The following CLSTN2 variants were observed in gnomAD, a reference collection of about 807,000 sequenced individuals.
CLSTN2 encodes the protein calsyntenin 2.
Under a neutral mutation model 101.2 loss-of-function variants are expected in CLSTN2, and 48 were observed. The ratio of observed to expected loss-of-function variants is 0.47; its 90% CI spans 0.38 to 0.60. The LOEUF is 0.60. Ranked by LOEUF, CLSTN2 falls within the 20% of genes least tolerant of loss-of-function variation. The pLI, the probability that CLSTN2 is intolerant of heterozygous loss-of-function variation, is 0.00. For missense variants in CLSTN2, 1,160 were observed against 1,238.2 expected (o/e 0.94, Z 0.95); for synonymous variants, 481 against 463.6 (o/e 1.04, Z -0.48).
chr3:140,501,187 T>C (rs187486533), intron 8 of CLSTN2, among the ~76,000 whole-genome samples: 1 of 152,310 alleles, frequency 6.6e-6, no homozygotes, highest in Non-Finnish European at 1.5e-5. Context: ...CTCTCCTGCA[T>C]ACTTTCTAGC....
At chr3:140,555,794 G>A (rs891414919) in intron 10 of CLSTN2, among the ~76,000 whole-genome samples, 4 of 152,178 alleles carry the variant, frequency 2.6e-5, no homozygotes, top group Admixed American at 1.3e-4. Context: ...ACATGGAGAG[G>A]GCAAGGATCT....
intron 1 of CLSTN2, among the ~76,000 whole-genome samples, chr3:140,019,929 G>A (rs776735302): frequency 9.8e-5 from 15 of 152,292 alleles, no homozygotes; most frequent in Non-Finnish European, 1.9e-4. Flanking sequence ...GCAATAGGTC[G>A]GGGAAGGTGA....
At chr3:140,234,848 C>T (rs1287764680) in intron 2 of CLSTN2, among the ~76,000 whole-genome samples, 3 of 152,090 alleles carry the variant, frequency 2.0e-5, no homozygotes, top group Non-Finnish European at 4.4e-5. Flanking sequence ...TGTAGCTCTC[C>T]CAAGCTTATA....
At chr3:140,510,346 G>T (rs1330213208) in intron 8 of CLSTN2, among the ~76,000 whole-genome samples, 2 of 152,122 alleles carry the variant, frequency 1.3e-5, no homozygotes, top group African/African-American at 4.8e-5. Context: ...TGGTGAGAAA[G>T]AAAGAAAAAA....
intron 2 of CLSTN2, among the ~76,000 whole-genome samples, chr3:140,232,830 A>G (rs2086382067): frequency 6.6e-6 from 1 of 151,964 alleles, no homozygotes; most frequent in African/African-American, 2.4e-5. Context: ...TACTTCCATA[A>G]TTCTTTGTTA....
At chr3:140,104,280 GAA>G (rs1208815346) in intron 1 of CLSTN2, among the ~76,000 whole-genome samples, 1 of 152,172 alleles carries the variant, frequency 6.6e-6, no homozygotes, top group Non-Finnish European at 1.5e-5. Flanking sequence ...CGGCACAAGA[GAA>G]AGAGATAAAC....
chr3:140,458,820 A>G (rs1374091915), intron 6 of CLSTN2, among the ~76,000 whole-genome samples: 1 of 152,238 alleles, frequency 6.6e-6, no homozygotes, highest in African/African-American at 2.4e-5. Flanking sequence ...GAAAGAGGAA[A>G]CAGAGTCAAA....
At chr3:140,409,385 C>A (rs1446112885) in intron 4 of CLSTN2, among the ~76,000 whole-genome samples, 2 of 152,130 alleles carry the variant, frequency 1.3e-5, no homozygotes, top group African/African-American at 4.8e-5. Flanking sequence ...CTTTGCCACA[C>A]CAAGGAACAC....
At chr3:140,554,397 A>T (rs1935760439) in intron 10 of CLSTN2, among the ~76,000 whole-genome samples, 1 of 152,234 alleles carries the variant, frequency 6.6e-6, no homozygotes, top group Non-Finnish European at 1.5e-5. Flanking sequence ...ATTTTTCCTT[A>T]AACCTATGAA....
At chr3:140,240,134 T>TTCTCCCTCTCTC (rs1553724847) in intron 2 of CLSTN2, among the ~76,000 whole-genome samples, 1 of 20,494 alleles carries the variant, frequency 4.9e-5, no homozygotes, top group Non-Finnish European at 1.8e-4. Context: ...TGCACCTGGT[T>TTCTCCCTCTCTC]TCTCTCTCTC....
intron 1 of CLSTN2, among the ~76,000 whole-genome samples, chr3:139,942,447 T>G (rs929215727): frequency 4.6e-5 from 7 of 152,240 alleles, no homozygotes; most frequent in African/African-American, 1.7e-4. Context: ...CGGTTATTCA[T>G]TTGGGTTAAA....
At chr3:140,555,215 G>A (rs532946044) in intron 10 of CLSTN2, among the ~76,000 whole-genome samples, 21 of 152,300 alleles carry the variant, frequency 1.4e-4, no homozygotes, top group Middle Eastern at 3.4e-3. Flanking sequence ...CTTCCATAGC[G>A]TATGAATCAA....
At chr3:140,152,725 C>T (rs187852882) in intron 1 of CLSTN2, among the ~76,000 whole-genome samples, 1 of 152,200 alleles carries the variant, frequency 6.6e-6, no homozygotes, top group East Asian at 1.9e-4. Flanking sequence ...TTTCCTTAAC[C>T]CCTATCTCAG....
intron 8 of CLSTN2, among the ~76,000 whole-genome samples, chr3:140,531,257 A>C (rs2107778786): frequency 6.6e-6 from 1 of 152,340 alleles, no homozygotes; most frequent in East Asian, 1.9e-4. Flanking sequence ...AGGCTTTATC[A>C]GACTAATGGG....
chr3:140,223,648 C>T (rs2086294347), intron 2 of CLSTN2, among the ~76,000 whole-genome samples: 1 of 152,196 alleles, frequency 6.6e-6, no homozygotes, highest in Non-Finnish European at 1.5e-5. Context: ...GCTAGAAATG[C>T]TGAGAGCTTC....
intron 1 of CLSTN2, among the ~76,000 whole-genome samples, chr3:139,941,564 A>G (rs1935130760): frequency 6.6e-6 from 1 of 152,224 alleles, no homozygotes. Context: ...GGAAAATCAT[A>G]GATTGTGCAT....
At chr3:140,167,841 C>T (rs2010158111) in intron 1 of CLSTN2, among the ~76,000 whole-genome samples, 1 of 152,146 alleles carries the variant, frequency 6.6e-6, no homozygotes, top group Admixed American at 6.5e-5. Context: ...TTCATTTCAC[C>T]AGTGAAATGC....
At chr3:140,221,318 A>G (rs2086271353) in intron 2 of CLSTN2, among the ~76,000 whole-genome samples, 1 of 152,154 alleles carries the variant, frequency 6.6e-6, no homozygotes, top group Admixed American at 6.5e-5. Flanking sequence ...CTATGTTTAG[A>G]TGTGGAAATA....
At chr3:140,557,260 G>A (rs1296683292) in intron 11 of CLSTN2, among the ~76,000 whole-genome samples, 1 of 152,122 alleles carries the variant, frequency 6.6e-6, no homozygotes, top group African/African-American at 2.4e-5. Context: ...GAAGGTAGAA[G>A]TGCAGTCATG....
Sources: allele counts gnomAD v4.1 joint callset (sites outside exome capture counted in the v4.1 genomes callset), GRCh38; gene constraint gnomAD v4.1.1; transcripts MANE v1.5; gene names NCBI Gene and HGNC (gene_info 2026-07-23, HGNC 2026-07-21).